The following ABI2 variants were observed in gnomAD, a reference collection of about 807,000 sequenced individuals.
ABI2 encodes the protein abelson interactor 2.
A neutral mutation model predicts 59.2 loss-of-function variants in ABI2; 25 were observed. The ratio of observed to expected loss-of-function variants is 0.42; its 90% CI spans 0.31 to 0.59. The LOEUF (loss-of-function observed/expected upper bound fraction) is 0.59. Ranked by LOEUF, ABI2 falls within the 20% of genes least tolerant of loss-of-function variation. ABI2 has a pLI of 0.14. For missense variants in ABI2, 545 were observed against 681.8 expected, an observed-to-expected ratio of 0.80 and a Z score of 2.23; for synonymous variants, 213 against 235.5, an observed-to-expected ratio of 0.90 and a Z score of 0.87.
At chr2:203,341,331 G>C (rs907754638) in intron 1 of ABI2, among the ~76,000 whole-genome samples, 1 of 152,130 alleles carries the variant, frequency 6.6e-6, no homozygotes, top group Non-Finnish European at 1.5e-5. Context: ...ACAGTGCCTG[G>C]CACAAAATAG....
intron 8 of ABI2, among the ~76,000 whole-genome samples, chr2:203,398,671 A>G (rs569007941): frequency 1.7e-4 from 26 of 152,186 alleles, no homozygotes; most frequent in African/African-American, 6.3e-4. Flanking sequence ...CAGTCCTATC[A>G]TCGCAAAAAT....
At chr2:203,415,705 G>C in intron 10 of ABI2, among the ~76,000 whole-genome samples, 1 of 151,012 alleles carries the variant, frequency 6.6e-6, no homozygotes, top group South Asian at 2.1e-4. Context: ...ATTGCTCAGA[G>C]AGTCACATGG....
At chr2:203,398,345 A>G (rs2097091194) in intron 8 of ABI2, among the ~76,000 whole-genome samples, 1 of 152,196 alleles carries the variant, frequency 6.6e-6, no homozygotes, top group Non-Finnish European at 1.5e-5. Flanking sequence ...ATCACCCCCA[A>G]CTGAGAGTCT....
intron 6 of ABI2, chr2:203,395,232 T>C (rs1211233532): frequency 1.8e-6 from 1 of 566,716 alleles, no homozygotes; most frequent in Non-Finnish European, 3.1e-6. Context: ...TACTCAAATC[T>C]GTTTAGGAAA....
chr2:203,427,455 A>G lies in ABI2; in HGVS notation c.*103A>G, dbSNP rs1485810695. The G allele has an allele frequency of 3.0e-5, 32 of 1,074,572 alleles. No individual in the cohort carries two copies. The highest frequency in any genetic ancestry group is 3.6e-5 in the Non-Finnish European group (28 of 774,072). 66.6% of individuals were successfully genotyped at this position (1,074,572 alleles called of 1,614,324 possible). ...CCAGTAAAGTAGAATGAAGGATACA[A>G]ATGATAAAAATTACACTTTTTTTTT... On this transcript the variant is annotated 3_prime_UTR_variant, in exon 12 of 12. Transcript: ENST00000261018.
chr2:203,351,676 C>T (rs891604538), intron 1 of ABI2: 4 of 380,026 alleles, frequency 1.1e-5, no homozygotes, highest in South Asian at 7.6e-5. Context: ...TCTGGGACTA[C>T]AGGTGCGTGC....
intron 3 of ABI2, 41 bp from the exon 4 acceptor site, chr2:203,382,148 T>G (rs1383189843): frequency 1.3e-6 from 2 of 1,509,894 alleles, no homozygotes; most frequent in East Asian, 2.5e-5. Flanking sequence ...TTCAATGCTT[T>G]TTTTCCTTAC....
intron 9 of ABI2, among the ~76,000 whole-genome samples, chr2:203,408,828 C>A (rs1262348214): frequency 1.3e-5 from 1 of 75,510 alleles, no homozygotes; most frequent in African/African-American, 3.6e-5. Context: ...GCTACCTTCT[C>A]CTTTCTTTTT....
At chr2:203,421,849 A>G (rs1215332432) in intron 11 of ABI2, among the ~76,000 whole-genome samples, 1 of 151,982 alleles carries the variant, frequency 6.6e-6, no homozygotes, top group East Asian at 1.9e-4. Flanking sequence ...CTGTAGTCCC[A>G]GCAACTCAGG....
At chr2:203,328,918 C>A (rs897613984) in intron 1 of ABI2, 17 of 264,452 alleles carry the variant, frequency 6.4e-5, no homozygotes, top group Admixed American at 1.6e-4. Context: ...CACTCCGCGC[C>A]GGTCAGCGTT....
rs1361342459 is a variant in ABI2 at position 203,416,973 on chromosome 2, C to G, written c.1345C>G (p.Pro449Ala). ...AGTCTTTGATGAGTCTCCCCCACCT[C>G]CTCCTCCTCCAGAAGATTACGAAGA... The part of the protein sequence containing the change: ...EPVFDESPPP[P>A]PPPEDYEEEE... The change falls in exon 11 of 12, where the codon CCT becomes GCT. Residue 449 changes from proline to alanine, a missense_variant. By Grantham distance (27) the Pro-to-Ala change is conservative. Around this residue, in one of 4 missense-constraint regions of ABI2, gnomAD observed 410 missense variants for 435.6 expected, o/e 0.94. Coordinates refer to ENST00000261018, the MANE Select transcript of ABI2 (RefSeq NM_001375670.1). 1 of 1,614,136 alleles carries G rather than the reference C, an allele frequency of 6.2e-7. No individual in the cohort carries two copies. Among genetic ancestry groups the G allele is most frequent in the South Asian group, 1.1e-5 (1 of 91,056 alleles).
At chr2:203,376,131 A>G in intron 2 of ABI2, 1 of 1,533,258 alleles carries the variant, frequency 6.5e-7, no homozygotes, top group Non-Finnish European at 8.7e-7. Context: ...AGATTGAATG[A>G]GGTAAGGGAC....
At position 203,413,504 on chromosome 2, in the gene ABI2, C is replaced by G. The variant is rs183855901; in HGVS notation, c.1279+2133C>G. On this transcript the variant is annotated intron_variant, in intron 10 of 11. Transcript: ENST00000261018. ...ACTACCTATATTTTAAAAAGTCATT[C>G]CCTAATTTGACCACCCTATCACAGT... 1.3e-5 allele frequency among the ~76,000 whole-genome samples: 2 copies of G among 152,210 alleles called. 1 individual carries two copies. The highest frequency in any genetic ancestry group is 1.3e-4 in the Admixed American group (2 of 15,296).
chr2:203,355,973 T>C (rs2091784554), intron 1 of ABI2, among the ~76,000 whole-genome samples: 1 of 152,108 alleles, frequency 6.6e-6, no homozygotes, highest in Non-Finnish European at 1.5e-5. Flanking sequence ...ATTCTTTTAG[T>C]TTATTGTCTC....
chr2:203,361,043 G>C (rs569014082), intron 1 of ABI2, among the ~76,000 whole-genome samples: 1 of 152,238 alleles, frequency 6.6e-6, no homozygotes, highest in African/African-American at 2.4e-5. Context: ...GCTGATGGCT[G>C]TCAGTGCTTT....
chr2:203,363,312 ATACTC>A (rs1268150638), intron 1 of ABI2, among the ~76,000 whole-genome samples: 2 of 152,164 alleles, frequency 1.3e-5, no homozygotes, highest in African/African-American at 4.8e-5. Flanking sequence ...CAATCCAACT[ATACTC>A]TCAGTTATTT....
At chr2:203,390,819 T>C (rs574508259) in intron 4 of ABI2, among the ~76,000 whole-genome samples, 38 of 152,298 alleles carry the variant, frequency 2.5e-4, no homozygotes, top group African/African-American at 8.7e-4. Flanking sequence ...ATAAAGTCTT[T>C]GCATACAAGT....
chr2:203,338,934 G>GTGTGTA, intron 1 of ABI2, among the ~76,000 whole-genome samples: 1 of 5,188 alleles, frequency 1.9e-4, no homozygotes, highest in South Asian at 7.7e-3. Context: ...GTGTGTATAT[G>GTGTGTA]TATATATATA....
At chr2:203,328,942 G>A (rs762949758) in intron 1 of ABI2, 29 of 237,580 alleles carry the variant, frequency 1.2e-4, no homozygotes, top group Non-Finnish European at 2.2e-4. Flanking sequence ...GATGGCGGAG[G>A]GGGCGGAGAG....
Sources: gnomAD v4.1 joint callset for allele counts (sites outside exome capture counted in the v4.1 genomes callset) on GRCh38, gnomAD v4.1.1 for gene constraint, gnomAD v4.1.1 regional missense constraint, MANE v1.5 for transcripts, NCBI Gene and HGNC (gene_info 2026-07-23, HGNC 2026-07-21) for gene names.